The following PDE4B variants were observed in gnomAD, a reference collection of about 807,000 sequenced individuals.
PDE4B encodes phosphodiesterase 4B, also known as 3',5'-cyclic-AMP phosphodiesterase 4B.
In PDE4B, 20 loss-of-function variants were observed where a neutral mutation model predicts 82.2. That is an observed-to-expected ratio of 0.24 (90% CI 0.17 to 0.35). The LOEUF (loss-of-function observed/expected upper bound fraction) is 0.35, where lower values mean the gene tolerates loss of function less well. PDE4B is among the 10% of genes least tolerant of loss of function. The probability of loss-of-function intolerance (pLI) is 1.00; values close to 1 mark genes in which losing one functional copy is unlikely to be tolerated. For synonymous variants in PDE4B, 320 were observed against 318.9 expected (o/e 1.00, Z -0.04); for missense variants, 655 against 907.2 (o/e 0.72, Z 3.57).
intron 7 of PDE4B, chr1:66,331,756 A>G (rs1049043092): frequency 1.6e-5 from 16 of 985,478 alleles, no homozygotes; most frequent in Middle Eastern, 5.2e-4. Flanking sequence ...TTTGTTTAGT[A>G]TAACAAGAGC....
intron 3 of PDE4B, among the ~76,000 whole-genome samples, chr1:66,203,361 A>G (rs375095440): frequency 4.6e-5 from 7 of 151,896 alleles, no homozygotes; most frequent in East Asian, 1.9e-4. Context: ...TCTTTGTGGC[A>G]TTCTCTGTAT....
intron 3 of PDE4B, among the ~76,000 whole-genome samples, chr1:65,924,207 T>C (rs1647371725): frequency 2.1e-5 from 3 of 142,968 alleles, no homozygotes. Context: ...CCCAAGTAGC[T>C]GGGACTACAG....
At chr1:66,134,141 C>T (rs563255959) in intron 3 of PDE4B, among the ~76,000 whole-genome samples, 1 of 151,944 alleles carries the variant, frequency 6.6e-6, no homozygotes, top group Admixed American at 6.6e-5. Flanking sequence ...ACCAAAAGAA[C>T]AGTTTTCTTG....
At chr1:66,098,713 G>T (rs1039377300) in intron 3 of PDE4B, among the ~76,000 whole-genome samples, 1 of 152,220 alleles carries the variant, frequency 6.6e-6, no homozygotes, top group East Asian at 1.9e-4. Context: ...TATAATGGGC[G>T]TACCTGTTGC....
At chr1:66,030,311 C>T (rs1653701526) in intron 3 of PDE4B, among the ~76,000 whole-genome samples, 1 of 152,022 alleles carries the variant, frequency 6.6e-6, no homozygotes, top group Non-Finnish European at 1.5e-5. Flanking sequence ...CCTGAAGTTC[C>T]CTTTTTTCAG....
At chr1:66,136,666 C>A (rs1383582865) in intron 3 of PDE4B, among the ~76,000 whole-genome samples, 1 of 131,806 alleles carries the variant, frequency 7.6e-6, no homozygotes, top group Non-Finnish European at 1.5e-5. Context: ...CAACTGCAAT[C>A]CAGTCTGAAC....
In PDE4B at chr1:66,363,404, C is replaced by T. The variant is rs7534999; in HGVS notation, c.1120-3C>T. ...TTATGTTCTAATCCATTTTACAACA[C>T]AGGAAAGAGACCTCCTAAAGACATT... On this transcript the variant is annotated splice_polypyrimidine_tract_variant and splice_region_variant and intron_variant, in intron 11 of 16. Transcript: ENST00000341517. 10,431 of 1,609,226 alleles carry T rather than the reference C, an allele frequency of 6.5e-3. 555 individuals carry two copies. In the African/African-American group the frequency reaches 0.12, roughly 19 times the overall value.
chr1:66,184,867 T>G (rs1647149324), intron 3 of PDE4B, among the ~76,000 whole-genome samples: 1 of 152,080 alleles, frequency 6.6e-6, no homozygotes, highest in African/African-American at 2.4e-5. Flanking sequence ...ACTTTAAGTT[T>G]TAGGGTACAT....
chr1:66,218,508 G>A (rs1361134367), intron 3 of PDE4B, among the ~76,000 whole-genome samples: 1 of 152,074 alleles, frequency 6.6e-6, no homozygotes, highest in Non-Finnish European at 1.5e-5. Context: ...GTCTCTCATG[G>A]AGATGAGCCA....
At chr1:66,292,498 G>T (rs142140603) in intron 7 of PDE4B, among the ~76,000 whole-genome samples, 240 of 152,268 alleles carry the variant, frequency 1.6e-3, no homozygotes, top group Middle Eastern at 0.014. Context: ...CTACTTACCA[G>T]CTTGAAAGAT....
chr1:66,238,682 A>G (rs1054843041), intron 3 of PDE4B, among the ~76,000 whole-genome samples: 2 of 151,992 alleles, frequency 1.3e-5, no homozygotes, highest in African/African-American at 4.8e-5. Flanking sequence ...TCTGGTTTGT[A>G]CAACTGAGTA....
chr1:66,045,919 C>A (rs755303945), intron 3 of PDE4B, among the ~76,000 whole-genome samples: 4 of 151,644 alleles, frequency 2.6e-5, no homozygotes, highest in Non-Finnish European at 5.9e-5. Flanking sequence ...GGAAGGAGGG[C>A]AGGCTGTAAG....
chr1:65,961,545 GTCCTTACAACCC>G (rs1649541935), intron 3 of PDE4B, among the ~76,000 whole-genome samples: 1 of 152,012 alleles, frequency 6.6e-6, no homozygotes, highest in African/African-American at 2.4e-5. Context: ...TGCTATATTT[GTCCTTACAACCC>G]TCCCAAATAA....
At chr1:66,352,462 C>T (rs896142432) in intron 8 of PDE4B, among the ~76,000 whole-genome samples, 17 of 152,124 alleles carry the variant, frequency 1.1e-4, no homozygotes, top group African/African-American at 4.1e-4. Flanking sequence ...ACAATGTATC[C>T]CAACAGGGTC....
Position 66,365,885 on chromosome 1 carries a change from T to C in PDE4B, c.1384+119T>C, listed in dbSNP as rs1006492350. The C allele has an allele frequency of 2.1e-5, 12 of 558,554 alleles. No homozygotes were observed. The African/African-American group carries it at 2.2e-4, about 10-fold the overall frequency. The allele number at this position is 558,554 out of a possible 1,614,324, so 34.6% of individuals were successfully genotyped here. On this transcript the variant is annotated intron_variant, in intron 13 of 16. Transcript: ENST00000341517. The stretch of plus-strand genomic sequence containing the variant: ...GGATAATAATGAGGCAATCCTTCCA[T>C]TTCTCTCAAACTGGTCAGGCCTTTC...
chr1:66,058,983 C>T (rs966555955), intron 3 of PDE4B, among the ~76,000 whole-genome samples: 4 of 152,210 alleles, frequency 2.6e-5, no homozygotes, highest in Non-Finnish European at 5.9e-5. Context: ...TTTTTGAACT[C>T]TTATGCTCTG....
At chr1:65,801,127 T>G (rs1319759684) in intron 1 of PDE4B, among the ~76,000 whole-genome samples, 4 of 152,188 alleles carry the variant, frequency 2.6e-5, no homozygotes, top group Non-Finnish European at 5.9e-5. Flanking sequence ...GTTTCCCCTG[T>G]CTCTTACCCC....
At chr1:66,017,455 A>G (rs1158642181) in intron 3 of PDE4B, among the ~76,000 whole-genome samples, 1 of 152,226 alleles carries the variant, frequency 6.6e-6, no homozygotes, top group Non-Finnish European at 1.5e-5. Context: ...CATTTCTATA[A>G]GCCAGTAGCC....
chr1:66,334,101 A>ACACTCTG (rs1660328856), intron 8 of PDE4B, among the ~76,000 whole-genome samples: 1 of 152,294 alleles, frequency 6.6e-6, no homozygotes, highest in East Asian at 1.9e-4. Flanking sequence ...GCATTAGCAG[A>ACACTCTG]CACTCTGTTC....
Sources: allele counts gnomAD v4.1 joint callset (sites outside exome capture counted in the v4.1 genomes callset), GRCh38; gene constraint gnomAD v4.1.1; transcripts MANE v1.5; gene names NCBI Gene and HGNC (gene_info 2026-07-23, HGNC 2026-07-21).